The following GPATCH2 variants were observed in gnomAD, a reference collection of about 807,000 sequenced individuals.
The protein encoded by GPATCH2 is G patch domain-containing protein 2.
In GPATCH2, 51 loss-of-function variants were observed where a neutral mutation model predicts 58.0. The observed-to-expected ratio is 0.88, with a 90% CI of 0.70 to 1.11. GPATCH2 has a LOEUF of 1.11. GPATCH2 is among the 50% of genes most tolerant of loss of function. GPATCH2 has a pLI of 0.00. For missense variants in GPATCH2, 625 were observed against 652.2 expected, an observed-to-expected ratio of 0.96 and a Z score of 0.45; for synonymous variants, 222 against 218.5, an observed-to-expected ratio of 1.02 and a Z score of -0.14.
intron 5 of GPATCH2, among the ~76,000 whole-genome samples, chr1:217,553,812 C>T (rs562712267): frequency 5.9e-5 from 9 of 152,254 alleles, no homozygotes; most frequent in African/African-American, 2.2e-4. Flanking sequence ...TTGTGAAATA[C>T]AATGGCATTT....
chr1:217,608,610 A>C (rs554023582), intron 5 of GPATCH2: 577 of 985,296 alleles, frequency 5.9e-4, no homozygotes, highest in Non-Finnish European at 6.5e-4. Context: ...AAATAGGTAA[A>C]ACTGAACCAA....
intron 5 of GPATCH2, among the ~76,000 whole-genome samples, chr1:217,547,696 G>A (rs954788458): frequency 1.3e-5 from 2 of 152,188 alleles, no homozygotes; most frequent in Admixed American, 6.5e-5. Context: ...CCATAAAAAA[G>A]AATTAGATCA....
At chr1:217,580,786 A>T in intron 5 of GPATCH2, among the ~76,000 whole-genome samples, 1 of 39,226 alleles carries the variant, frequency 2.5e-5, no homozygotes, top group Non-Finnish European at 5.6e-5. Flanking sequence ...AGGCGGGTGG[A>T]TCATGAGGTC....
rs144296654 is a variant in GPATCH2 at position 217,479,983 on chromosome 1, C to T, written c.1277+11697G>A. ...TTTAACAATTTTAAATATATATGCA[C>T]CAACACTGGAGGACCCAGATATATA... On this transcript the variant is annotated intron_variant, in intron 8 of 9. Transcript: ENST00000366935. 9.1e-3 allele frequency among the ~76,000 whole-genome samples: 1,379 copies of T among 151,548 alleles called. 8 individuals are homozygous for T. The highest frequency in any genetic ancestry group is 0.048 in the Middle Eastern group (14 of 294).
intron 5 of GPATCH2, among the ~76,000 whole-genome samples, chr1:217,595,555 A>G (rs1289410863): frequency 1.3e-5 from 2 of 151,318 alleles, no homozygotes; most frequent in Non-Finnish European, 2.9e-5. Context: ...GCTGGAGTGC[A>G]ATGCTGCGAT....
At chr1:217,563,555 A>C (rs1450698979) in intron 5 of GPATCH2, among the ~76,000 whole-genome samples, 1 of 152,188 alleles carries the variant, frequency 6.6e-6, no homozygotes, top group African/African-American at 2.4e-5. Context: ...AATAAGGTAC[A>C]TTTTCCTATT....
At chr1:217,554,343 G>A (rs919442134) in intron 5 of GPATCH2, among the ~76,000 whole-genome samples, 2 of 152,068 alleles carry the variant, frequency 1.3e-5, no homozygotes, top group Non-Finnish European at 2.9e-5. Context: ...CATCCTCACT[G>A]AGCTCTGAAA....
At chr1:217,625,165 G>A (rs1669391388) in intron 1 of GPATCH2, among the ~76,000 whole-genome samples, 1 of 152,152 alleles carries the variant, frequency 6.6e-6, no homozygotes. Context: ...CCCAGTAAAT[G>A]AGTGAACTAT....
chr1:217,455,589 A>C (rs1411352467), intron 8 of GPATCH2, among the ~76,000 whole-genome samples: 2 of 152,076 alleles, frequency 1.3e-5, no homozygotes, highest in African/African-American at 4.8e-5. Context: ...ATCCTGCTAC[A>C]GGTAATTGGT....
At chr1:217,537,742 T>G (rs542034400) in intron 5 of GPATCH2, among the ~76,000 whole-genome samples, 1 of 147,880 alleles carries the variant, frequency 6.8e-6, no homozygotes, top group South Asian at 2.2e-4. Flanking sequence ...TAAATTAATT[T>G]GACAAATACA....
chr1:217,593,583 G>A (rs1341883883), intron 5 of GPATCH2, among the ~76,000 whole-genome samples: 1 of 151,994 alleles, frequency 6.6e-6, no homozygotes, highest in Non-Finnish European at 1.5e-5. Flanking sequence ...TCCTGCTACA[G>A]TTGGCAGATT....
chr1:217,490,728 CAT>C (rs1261982517), intron 8 of GPATCH2, among the ~76,000 whole-genome samples: 1 of 152,098 alleles, frequency 6.6e-6, no homozygotes, highest in East Asian at 1.9e-4. Context: ...ACATCTCATC[CAT>C]AGTTATTTTA....
intron 4 of GPATCH2, 75 bp downstream of exon 4, chr1:217,610,814 C>T (rs1668584866): frequency 1.9e-6 from 2 of 1,036,554 alleles, no homozygotes; most frequent in South Asian, 1.5e-5. Flanking sequence ...TCCACTTTAT[C>T]TTATCCTCCT....
intron 8 of GPATCH2, among the ~76,000 whole-genome samples, chr1:217,491,222 T>C (rs894228896): frequency 1.3e-5 from 2 of 152,168 alleles, no homozygotes; most frequent in African/African-American, 4.8e-5. Context: ...CTTTGTATTA[T>C]GGAAAAAACT....
At chr1:217,451,271 G>A (rs1414819594) in intron 8 of GPATCH2, among the ~76,000 whole-genome samples, 1 of 152,054 alleles carries the variant, frequency 6.6e-6, no homozygotes, top group Non-Finnish European at 1.5e-5. Flanking sequence ...ATGCTTTCAG[G>A]AGTATACCCT....
Position 217,431,180 on chromosome 1 carries a change from C to T in GPATCH2, c.1552G>A (p.Ala518Thr), listed in dbSNP as rs150141050. 918 of 1,596,142 alleles carry T rather than the reference C, an allele frequency of 5.8e-4. 3 individuals are homozygous for T. Among genetic ancestry groups the T allele is most frequent in the Middle Eastern group, 1.0e-3 (6 of 6,024 alleles). ...LGFPLPKSTS[A>T]TTTPNAGKSA is the part of the protein sequence containing the mutation. ...TTTCCTGCATTGGGGGTAGTAGTTG[C>T]GGAAGTACTTTTTGGTAGAGGAAAT... Residue 518 changes from alanine to threonine, a missense_variant, in exon 10 of 10, where the codon GCA becomes ACA. Physicochemically the swap from Ala to Thr is moderately conservative, Grantham distance 58. Transcript: ENST00000366935.
intron 5 of GPATCH2, among the ~76,000 whole-genome samples, chr1:217,520,149 T>C (rs966018671): frequency 6.6e-6 from 1 of 152,148 alleles, no homozygotes. Context: ...ATATGAAATA[T>C]ACGCCATAAA....
intron 8 of GPATCH2, among the ~76,000 whole-genome samples, chr1:217,479,663 C>A (rs1661129545): frequency 6.6e-6 from 1 of 151,968 alleles, no homozygotes; most frequent in African/African-American, 2.4e-5. Flanking sequence ...CCTTACTTAT[C>A]AATAATAAAA....
intron 7 of GPATCH2, among the ~76,000 whole-genome samples, chr1:217,492,844 T>C (rs1175367208): frequency 6.6e-6 from 1 of 152,326 alleles, no homozygotes; most frequent in East Asian, 1.9e-4. Context: ...ATAATTATGA[T>C]GAAAATTAAT....
Sources: gnomAD v4.1 joint callset for allele counts (sites outside exome capture counted in the v4.1 genomes callset) on GRCh38, gnomAD v4.1.1 for gene constraint, MANE v1.5 for transcripts, NCBI Gene and HGNC (gene_info 2026-07-23, HGNC 2026-07-21) for gene names.